The following ATXN7L1 variants were observed in gnomAD, a reference collection of about 807,000 sequenced individuals.
The protein encoded by ATXN7L1 is ataxin-7-like protein 1.
A neutral mutation model predicts 70.8 loss-of-function variants in ATXN7L1; 15 were observed. That is an observed-to-expected ratio of 0.21 (90% confidence interval 0.14 to 0.33). The LOEUF is 0.33. Ranked by LOEUF, ATXN7L1 falls within the 10% of genes least tolerant of loss-of-function variation. ATXN7L1 has a pLI of 1.00. For missense variants in ATXN7L1, 975 were observed against 1,097.1 expected, an observed-to-expected ratio of 0.89 and a Z score of 1.57; for synonymous variants, 440 against 445.1, an observed-to-expected ratio of 0.99 and a Z score of 0.14.
In ATXN7L1 at chr7:105,744,488, C is replaced by A. The variant is rs1052874418; in HGVS notation, c.355+44116G>T. Among the ~76,000 whole-genome samples, 7 of 152,238 alleles carry A rather than the reference C, an allele frequency of 4.6e-5. No homozygotes were observed. The East Asian group carries it at 7.7e-4, about 17-fold the overall frequency. ...AGTCCCCACCCAAAGGGCTTGTTCTCCATGTGTCAGCAGCACTGTCCTGAT... is the reference window on the plus strand; with the variant it reads ...AGTCCCCACCCAAAGGGCTTGTTCTACATGTGTCAGCAGCACTGTCCTGAT... On this transcript the variant is annotated intron_variant, in intron 3 of 11. Transcript: ENST00000419735.
intron 2 of ATXN7L1, among the ~76,000 whole-genome samples, chr7:105,798,218 C>T (rs1806284433): frequency 6.6e-6 from 1 of 152,276 alleles, no homozygotes; most frequent in East Asian, 1.9e-4. Flanking sequence ...TGCATGAAAG[C>T]TGTTCCTTCC....
At chr7:105,823,095 T>C (rs1448547158) in intron 2 of ATXN7L1, among the ~76,000 whole-genome samples, 3 of 143,016 alleles carry the variant, frequency 2.1e-5, no homozygotes, top group African/African-American at 7.6e-5. Flanking sequence ...GCCCTTTATC[T>C]TTTTTTTTTT....
At chr7:105,618,724 T>A (rs78239632) in intron 9 of ATXN7L1, among the ~76,000 whole-genome samples, 2 of 152,180 alleles carry the variant, frequency 1.3e-5, no homozygotes, top group East Asian at 3.9e-4. Flanking sequence ...ATTTATGTGA[T>A]CCATGACTCC....
intron 7 of ATXN7L1, among the ~76,000 whole-genome samples, chr7:105,624,598 C>T (rs6969099): frequency 0.091 from 12,557 of 138,678 alleles, 664 homozygotes; most frequent in African/African-American, 0.16. Context: ...TGCAGTGAGC[C>T]GAGATCATGC....
intron 2 of ATXN7L1, among the ~76,000 whole-genome samples, chr7:105,798,418 C>T (rs1389854612): frequency 6.6e-6 from 1 of 152,238 alleles, no homozygotes; most frequent in African/African-American, 2.4e-5. Context: ...TCTCCCTCCC[C>T]TTCCTGTCTC....
chr7:105,616,226 G>C (rs1236261342), intron 9 of ATXN7L1, among the ~76,000 whole-genome samples: 3 of 152,206 alleles, frequency 2.0e-5, no homozygotes, highest in African/African-American at 4.8e-5. Flanking sequence ...ACACGTGCAA[G>C]ACAGGGCCTC....
intron 3 of ATXN7L1, among the ~76,000 whole-genome samples, chr7:105,782,841 T>C (rs1279771048): frequency 2.0e-5 from 3 of 152,150 alleles, no homozygotes; most frequent in Admixed American, 6.5e-5. Flanking sequence ...AAGCAAAAGA[T>C]GAATCACAGG....
At chr7:105,617,600 G>A (rs554386119) in intron 9 of ATXN7L1, among the ~76,000 whole-genome samples, 3 of 152,300 alleles carry the variant, frequency 2.0e-5, no homozygotes, top group East Asian at 1.9e-4. Flanking sequence ...TCCCTTCCCC[G>A]CCAAGGCTAA....
intron 3 of ATXN7L1, among the ~76,000 whole-genome samples, chr7:105,679,458 C>T (rs924231181): frequency 6.6e-6 from 1 of 152,192 alleles, no homozygotes; most frequent in Non-Finnish European, 1.5e-5. Context: ...ACTCCCTCTT[C>T]GCTCAGGGTC....
chr7:105,755,919 A>C (rs576552282), intron 3 of ATXN7L1, among the ~76,000 whole-genome samples: 1 of 152,292 alleles, frequency 6.6e-6, no homozygotes, highest in Admixed American at 6.5e-5. Flanking sequence ...AACTTTGCCA[A>C]GCACCCCACT....
chr7:105,778,525 A>AAAAAAC (rs1803079685), intron 3 of ATXN7L1, among the ~76,000 whole-genome samples: 15 of 108,328 alleles, frequency 1.4e-4, no homozygotes, highest in African/African-American at 4.4e-4. Context: ...AAAAAAAAAA[A>AAAAAAC]AAAAAAAAAA....
chr7:105,770,772 A>G (rs1489521110), intron 3 of ATXN7L1, among the ~76,000 whole-genome samples: 1 of 152,204 alleles, frequency 6.6e-6, no homozygotes, highest in Non-Finnish European at 1.5e-5. Context: ...TTTATCTGTT[A>G]TTCTGTAAGC....
At chr7:105,610,783 C>G (rs1014218374) in intron 10 of ATXN7L1, among the ~76,000 whole-genome samples, 180 bp from the exon 11 acceptor site, 1 of 152,224 alleles carries the variant, frequency 6.6e-6, no homozygotes, top group African/African-American at 2.4e-5. Context: ...GCAGAGGGTG[C>G]CTTGAGGGAT....
intron 3 of ATXN7L1, among the ~76,000 whole-genome samples, chr7:105,731,426 T>A (rs1356603395): frequency 6.7e-6 from 1 of 148,878 alleles, no homozygotes; most frequent in East Asian, 2.0e-4. Context: ...CTACATTACT[T>A]CTTACTCCTT....
intron 3 of ATXN7L1, among the ~76,000 whole-genome samples, chr7:105,713,904 C>G (rs73717256): frequency 0.033 from 5,049 of 152,350 alleles, 291 homozygotes; most frequent in African/African-American, 0.11. Context: ...ACCTCACTCT[C>G]TCTCAGACGA....
chr7:105,751,589 T>G (rs1364399249), intron 3 of ATXN7L1, among the ~76,000 whole-genome samples: 1 of 152,244 alleles, frequency 6.6e-6, no homozygotes, highest in South Asian at 2.1e-4. Context: ...TAAGCTGTGA[T>G]CTTGCCATTG....
chr7:105,683,931 C>T (rs539264786), intron 3 of ATXN7L1, among the ~76,000 whole-genome samples: 80 of 152,184 alleles, frequency 5.3e-4, no homozygotes, highest in Non-Finnish European at 6.5e-4. Flanking sequence ...AACAGACTCT[C>T]AACAGGCAAG....
intron 3 of ATXN7L1, among the ~76,000 whole-genome samples, chr7:105,742,777 TATTTTAATTTTAAACATAA>T (rs927551033): frequency 2.6e-4 from 39 of 152,298 alleles, no homozygotes; most frequent in African/African-American, 9.1e-4. Context: ...CCAGGGAAGC[TATTTTAATTTTAAACATAA>T]GATGGCCAGC....
chr7:105,773,124 T>C (rs1293122920), intron 3 of ATXN7L1, among the ~76,000 whole-genome samples: 1 of 152,258 alleles, frequency 6.6e-6, no homozygotes, highest in African/African-American at 2.4e-5. Context: ...TGTGGTTTTT[T>C]TCCTATGTGT....
Sources: gnomAD v4.1 joint callset for allele counts (sites outside exome capture counted in the v4.1 genomes callset) on GRCh38, gnomAD v4.1.1 for gene constraint, MANE v1.5 for transcripts, NCBI Gene and HGNC (gene_info 2026-07-23, HGNC 2026-07-21) for gene names.